Variants in ABCD2 observed in about 807,000 individuals in gnomAD.
The protein encoded by ABCD2 is ATP-binding cassette sub-family D member 2.
ABCD2 carries 36 observed loss-of-function variants against 70.9 expected under a neutral mutation model. The ratio of observed to expected loss-of-function variants is 0.51; its 90% CI spans 0.39 to 0.67. The LOEUF (loss-of-function observed/expected upper bound fraction) is 0.67. Ranked by LOEUF, ABCD2 falls within the 30% of genes least tolerant of loss-of-function variation. The probability of loss-of-function intolerance (pLI) is 0.00; values close to 1 mark genes in which losing one functional copy is unlikely to be tolerated. For synonymous variants in ABCD2, 304 were observed against 306.9 expected (o/e 0.99, Z 0.10); for missense variants, 729 against 890.2 (o/e 0.82, Z 2.30).
chr12:39,599,461 G>T (rs764182949), intron 6 of ABCD2, among the ~76,000 whole-genome samples: 1 of 152,168 alleles, frequency 6.6e-6, no homozygotes, highest in East Asian at 1.9e-4. Flanking sequence ...TGAAAGCATA[G>T]ACAGAAAGGG....
intron 8 of ABCD2, among the ~76,000 whole-genome samples, chr12:39,577,151 AAC>A (rs1334302749): frequency 1.3e-5 from 2 of 152,162 alleles, no homozygotes; most frequent in African/African-American, 4.8e-5. Context: ...CCAAAATTTT[AAC>A]AGTGTTAATA....
At chr12:39,613,505 C>G (rs1007986910) in intron 2 of ABCD2, among the ~76,000 whole-genome samples, 1 of 148,732 alleles carries the variant, frequency 6.7e-6, no homozygotes, top group Non-Finnish European at 1.5e-5. Context: ...GGGTGATAGT[C>G]TTTAAAAATA....
chr12:39,563,056 CA>C (rs1265727828), intron 9 of ABCD2, among the ~76,000 whole-genome samples: 2 of 151,894 alleles, frequency 1.3e-5, no homozygotes, highest in African/African-American at 2.4e-5. Context: ...AAATGAAGGA[CA>C]AAAAATATGA....
intron 7 of ABCD2, among the ~76,000 whole-genome samples, chr12:39,581,277 G>C (rs956490868): frequency 1.3e-5 from 2 of 152,086 alleles, no homozygotes; most frequent in South Asian, 4.1e-4. Context: ...AATAAGCAAA[G>C]ACATACAATA....
chr12:39,593,042 T>C (rs1344801705), intron 6 of ABCD2, among the ~76,000 whole-genome samples: 1 of 152,140 alleles, frequency 6.6e-6, no homozygotes, highest in African/African-American at 2.4e-5. Flanking sequence ...CTGTCCTCCA[T>C]AGAGAAAAGA....
intron 2 of ABCD2, among the ~76,000 whole-genome samples, chr12:39,612,597 G>A (rs1277480737): frequency 6.6e-6 from 1 of 152,038 alleles, no homozygotes; most frequent in Non-Finnish European, 1.5e-5. Context: ...TGCCCATATT[G>A]GCATATATGC....
At chr12:39,582,839 T>C (rs1243176269) in intron 7 of ABCD2, among the ~76,000 whole-genome samples, 2 of 152,114 alleles carry the variant, frequency 1.3e-5, no homozygotes, top group African/African-American at 2.4e-5. Flanking sequence ...TTACAACTAC[T>C]AATATTACCA....
At chr12:39,563,484 G>A (rs1248228169) in intron 9 of ABCD2, among the ~76,000 whole-genome samples, 2 of 152,092 alleles carry the variant, frequency 1.3e-5, no homozygotes, top group Non-Finnish European at 2.9e-5. Flanking sequence ...TACATTCAGT[G>A]TACTACTGAA....
At chr12:39,601,690 T>C (rs1351815527) in intron 5 of ABCD2, among the ~76,000 whole-genome samples, 1 of 152,092 alleles carries the variant, frequency 6.6e-6, no homozygotes, top group Non-Finnish European at 1.5e-5. Flanking sequence ...GATCTAGCTT[T>C]GTATAGAAAG....
At chr12:39,598,657 C>G (rs1941854227) in intron 6 of ABCD2, among the ~76,000 whole-genome samples, 1 of 152,130 alleles carries the variant, frequency 6.6e-6, no homozygotes, top group South Asian at 2.1e-4. Context: ...GCCTCAGCCT[C>G]CCAAAGTGCT....
At chr12:39,578,328 G>T (rs542629727) in intron 8 of ABCD2, among the ~76,000 whole-genome samples, 2 of 152,048 alleles carry the variant, frequency 1.3e-5, no homozygotes, top group African/African-American at 2.4e-5. Context: ...CAAAAAATTA[G>T]CCGGGCTTGG....
chr12:39,534,565 A>C, the ABCD2 span, among the ~76,000 whole-genome samples: 1 of 151,798 alleles, frequency 6.6e-6, no homozygotes. Flanking sequence ...TAATCCTAGC[A>C]CTTTGGGAGG....
At chr12:39,596,374 A>T (rs897144829) in intron 6 of ABCD2, among the ~76,000 whole-genome samples, 1 of 152,196 alleles carries the variant, frequency 6.6e-6, no homozygotes, top group African/African-American at 2.4e-5. Context: ...ATGATACATA[A>T]ACATCATAAG....
chr12:39,532,396 C>T, the ABCD2 span, among the ~76,000 whole-genome samples: 1 of 152,056 alleles, frequency 6.6e-6, no homozygotes, highest in African/African-American at 2.4e-5. Context: ...CACACAAATA[C>T]AAAGTAAAGA....
intron 9 of ABCD2, 33 bp from the exon 10 acceptor site, chr12:39,554,164 C>T (rs1941127694): frequency 3.8e-6 from 6 of 1,562,532 alleles, no homozygotes; most frequent in Non-Finnish European, 5.2e-6. Context: ...TATTATTAGC[C>T]ATAATGTTGA....
At chr12:39,578,318 C>G (rs954366559) in intron 8 of ABCD2, among the ~76,000 whole-genome samples, 2 of 151,944 alleles carry the variant, frequency 1.3e-5, no homozygotes, top group Admixed American at 1.3e-4. Flanking sequence ...ACTAAAAATA[C>G]AAAAAATTAG....
At position 39,618,984 on chromosome 12, in the gene ABCD2, G is replaced by T; in HGVS notation, c.632C>A (p.Thr211Lys). 1 of 1,614,166 alleles carries T rather than the reference G, an allele frequency of 6.2e-7. No individual in the cohort carries two copies. Among genetic ancestry groups the T allele is most frequent in the Non-Finnish European group, 8.5e-7 (1 of 1,180,032 alleles). ...TTGGGAGAACATCATAATATCCTCCGTAAGAGATTGGTCAGGGTTTGCCAG... is the reference window on the plus strand; with the variant it reads ...TTGGGAGAACATCATAATATCCTCCTTAAGAGATTGGTCAGGGTTTGCCAG... ...GRLANPDQSL[T>K]EDIMMFSQSV... Residue 211 changes from threonine (T) to lysine (K), a missense_variant, in exon 1 of 10, where the codon ACG becomes AAG. Transcript: ENST00000308666.
the ABCD2 span, among the ~76,000 whole-genome samples, chr12:39,534,800 AAGAAAG>A: frequency 1.4e-5 from 2 of 147,668 alleles, no homozygotes; most frequent in East Asian, 3.9e-4. Context: ...GAAAGAAAGA[AAGAAAG>A]AAAAGAAAGG....
At chr12:39,543,132 TTATCA>T in the ABCD2 span, among the ~76,000 whole-genome samples, 2 of 152,226 alleles carry the variant, frequency 1.3e-5, no homozygotes, top group African/African-American at 4.8e-5. Flanking sequence ...AGTTTTTGAC[TTATCA>T]TATTAAGTCA....
Sources: gnomAD v4.1 joint callset for allele counts (sites outside exome capture counted in the v4.1 genomes callset) on GRCh38, gnomAD v4.1.1 for gene constraint, MANE v1.5 for transcripts, NCBI Gene and HGNC (gene_info 2026-07-23, HGNC 2026-07-21) for gene names.